The following NCK1 variants were observed in gnomAD, a reference collection of about 807,000 sequenced individuals.
NCK1 encodes SH2/SH3 adapter protein NCK1.
Under a neutral mutation model 36.6 loss-of-function variants are expected in NCK1, and 19 were observed. The observed-to-expected ratio is 0.52, with a 90% CI of 0.36 to 0.76. The LOEUF (loss-of-function observed/expected upper bound fraction) is 0.76, where lower values mean the gene tolerates loss of function less well. NCK1 is among the 30% of genes least tolerant of loss of function. NCK1 has a pLI of 0.00. For synonymous variants in NCK1, 165 were observed against 156.0 expected, an observed-to-expected ratio of 1.06 and a Z score of -0.43; for missense variants, 358 against 445.6, an observed-to-expected ratio of 0.80 and a Z score of 1.77.
chr3:136,886,918 A>G (rs1428976324), intron 1 of NCK1, among the ~76,000 whole-genome samples: 1 of 149,910 alleles, frequency 6.7e-6, no homozygotes, highest in Non-Finnish European at 1.5e-5. Context: ...ATCTCATCTC[A>G]CTGCAACCTC....
At chr3:136,921,258 A>C (rs1400073872) in intron 1 of NCK1, among the ~76,000 whole-genome samples, 1 of 152,208 alleles carries the variant, frequency 6.6e-6, no homozygotes, top group African/African-American at 2.4e-5. Flanking sequence ...GAGAGAACAA[A>C]ATCACTTTCA....
At chr3:136,928,807 C>T (rs1940316551) in intron 2 of NCK1, 1 of 139,742 alleles carries the variant, frequency 7.2e-6, no homozygotes, top group African/African-American at 2.6e-5. Flanking sequence ...TCACACTGGA[C>T]TTGGCTAAGC....
intron 1 of NCK1, among the ~76,000 whole-genome samples, chr3:136,921,821 G>C (rs1940118327): frequency 6.6e-6 from 1 of 152,200 alleles, no homozygotes; most frequent in African/African-American, 2.4e-5. Flanking sequence ...GTCTGTCTCT[G>C]TCACCAGGCT....
chr3:136,950,238 C>T lies in NCK1; in HGVS notation c.*1785C>T, dbSNP rs1032144614. On this transcript the variant is annotated 3_prime_UTR_variant, in exon 4 of 4. Coordinates refer to ENST00000481752, the MANE Select transcript of NCK1 (RefSeq NM_001291999.2). ...TTTCTCTGTATGTTTCTGGGTTTTC[C>T]CCCAGTCTTCCTTATGAAAAAAATG... Among the ~76,000 whole-genome samples, 1 of 151,890 alleles carries T rather than the reference C, an allele frequency of 6.6e-6. No homozygotes were observed. The highest frequency in any genetic ancestry group is 1.5e-5 in the Non-Finnish European group (1 of 67,904).
intron 3 of NCK1, 63 bp downstream of exon 3, chr3:136,946,358 A>C (rs573578189): frequency 7.1e-7 from 1 of 1,413,334 alleles, no homozygotes; most frequent in East Asian, 2.3e-5. Flanking sequence ...AAAGAGAGAG[A>C]GAAATGGAGA....
At chr3:136,888,150 G>A (rs1188540175) in intron 1 of NCK1, among the ~76,000 whole-genome samples, 1 of 151,752 alleles carries the variant, frequency 6.6e-6, no homozygotes, top group Non-Finnish European at 1.5e-5. Flanking sequence ...TCGCCATGTT[G>A]GCCAGGCTGG....
chr3:136,899,009 T>G (rs779222892), intron 1 of NCK1: 1 of 158,246 alleles, frequency 6.3e-6, no homozygotes, highest in Non-Finnish European at 1.4e-5. Flanking sequence ...ACAAATCAAA[T>G]ATAAACACCC....
chr3:136,871,516 A>G (rs1187344475), intron 1 of NCK1, among the ~76,000 whole-genome samples: 2 of 152,208 alleles, frequency 1.3e-5, no homozygotes, highest in East Asian at 3.8e-4. Flanking sequence ...TCATCACTCA[A>G]ATCCAGATGT....
chr3:136,869,111 A>C (rs1196886103), intron 1 of NCK1, among the ~76,000 whole-genome samples: 1 of 151,616 alleles, frequency 6.6e-6, no homozygotes, highest in Non-Finnish European at 1.5e-5. Flanking sequence ...GTGGTGGTGC[A>C]TGCCTGTAGT....
chr3:136,876,555 A>G (rs886474525), intron 1 of NCK1, among the ~76,000 whole-genome samples: 6 of 152,180 alleles, frequency 3.9e-5, no homozygotes, highest in Admixed American at 2.0e-4. Flanking sequence ...CAGTGTATAT[A>G]TAAATCTAAA....
intron 2 of NCK1, among the ~76,000 whole-genome samples, chr3:136,930,285 T>C (rs1325392224): frequency 1.3e-5 from 2 of 152,208 alleles, no homozygotes; most frequent in Admixed American, 6.5e-5. Flanking sequence ...ATAAAAAATA[T>C]ATATGCTTTA....
At chr3:136,870,707 A>AT (rs1440207261) in intron 1 of NCK1, among the ~76,000 whole-genome samples, 54 of 130,244 alleles carry the variant, frequency 4.1e-4, no homozygotes, top group East Asian at 1.2e-3. Flanking sequence ...AAAAAAAAAA[A>AT]GGCCTGTGAG....
intron 2 of NCK1, among the ~76,000 whole-genome samples, chr3:136,931,403 A>G (rs1450745578): frequency 6.6e-6 from 1 of 152,202 alleles, no homozygotes; most frequent in Non-Finnish European, 1.5e-5. Flanking sequence ...TAACCTGACA[A>G]GAGATTCCAG....
intron 1 of NCK1, among the ~76,000 whole-genome samples, chr3:136,877,078 T>A (rs1053557839): frequency 6.6e-6 from 1 of 152,182 alleles, no homozygotes; most frequent in African/African-American, 2.4e-5. Flanking sequence ...TAATATGAGA[T>A]ATTTCAGCTT....
intron 1 of NCK1, among the ~76,000 whole-genome samples, chr3:136,921,177 A>G (rs1030130497): frequency 5.3e-5 from 8 of 152,232 alleles, no homozygotes; most frequent in East Asian, 3.8e-4. Context: ...TTCATCTTGC[A>G]AAACTTAAAC....
At chr3:136,880,972 T>A (rs2031029) in intron 1 of NCK1, among the ~76,000 whole-genome samples, 103,539 of 151,992 alleles carry the variant, frequency 0.68, 35,588 homozygotes, top group East Asian at 0.87. Context: ...CGCTCTACCC[T>A]ACATTTGTTC....
intron 1 of NCK1, among the ~76,000 whole-genome samples, chr3:136,896,885 C>A (rs1027936010): frequency 9.9e-5 from 15 of 151,816 alleles, no homozygotes; most frequent in Non-Finnish European, 2.1e-4. Flanking sequence ...GTGCAGGTAT[C>A]CCTTTGATAT....
At chr3:136,912,744 C>A (rs1939860235) in intron 1 of NCK1, among the ~76,000 whole-genome samples, 1 of 151,866 alleles carries the variant, frequency 6.6e-6, no homozygotes, top group South Asian at 2.1e-4. Flanking sequence ...CAGCCTCAAA[C>A]TCCTGGGCTC....
At chr3:136,891,739 T>C (rs1186391070) in intron 1 of NCK1, among the ~76,000 whole-genome samples, 1 of 152,152 alleles carries the variant, frequency 6.6e-6, no homozygotes, top group Non-Finnish European at 1.5e-5. Context: ...ATAACCATGG[T>C]GATGGTTGTG....
Sources: allele counts gnomAD v4.1 joint callset (sites outside exome capture counted in the v4.1 genomes callset), GRCh38; gene constraint gnomAD v4.1.1; transcripts MANE v1.5; gene names NCBI Gene and HGNC (gene_info 2026-07-23, HGNC 2026-07-21).